Variants in AGK observed in about 807,000 individuals in gnomAD.
AGK encodes the protein acylglycerol kinase, mitochondrial.
Under a neutral mutation model 66.4 loss-of-function variants are expected in AGK, and 52 were observed. The observed-to-expected ratio is 0.78, with a 90% confidence interval of 0.63 to 0.99. The LOEUF is 0.99. Ranked by LOEUF, AGK falls within the 50% of genes least tolerant of loss-of-function variation. AGK has a pLI of 0.00. For synonymous variants in AGK, 182 were observed against 181.1 expected (o/e 1.00, Z -0.04); for missense variants, 451 against 506.6 (o/e 0.89, Z 1.05).
intron 2 of AGK, among the ~76,000 whole-genome samples, chr7:141,559,069 G>A (rs1310699590): frequency 1.3e-5 from 2 of 152,046 alleles, no homozygotes; most frequent in Admixed American, 6.5e-5. Context: ...TCTGTAGCTG[G>A]CCTTTTTACA....
rs1483926224 is a variant in AGK, at chr7:141,555,642, T to C, written c.101+75T>C. ...CCCAAAGGGCCTCAGGTTAAAATCT[T>C]GCTCAGCTGTGCTTATCCCTATAAA... On this transcript the variant is annotated intron_variant, in intron 2 of 15. Coordinates refer to ENST00000649286, the MANE Select transcript of AGK (RefSeq NM_018238.4). The surrounding 1 kb of genome is among the most constrained non-coding windows in gnomAD (Gnocchi z 4.2). 1.3e-5 allele frequency: 14 copies of C among 1,047,780 alleles called. No homozygotes were observed. Among genetic ancestry groups the C allele is most frequent in the Non-Finnish European group, 2.0e-5 (14 of 690,472 alleles). The allele number at this position is 1,047,780 out of a possible 1,614,324, so 64.9% of individuals were successfully genotyped here. A position where few individuals can be genotyped will look rare whatever the true frequency, so the allele number is the denominator to read the frequency against.
chr7:141,650,700 C>T, intron 14 of AGK: 2 of 984,734 alleles, frequency 2.0e-6, no homozygotes, highest in Non-Finnish European at 2.4e-6. Flanking sequence ...TCCATAGTCA[C>T]TCAGTCAAGG....
rs538366990 is a variant in AGK at position 141,567,866 on chromosome 7, G to A, written c.101+12299G>A. 4.6e-5 allele frequency among the ~76,000 whole-genome samples: 7 copies of A among 152,292 alleles called. No homozygotes were observed. In the South Asian group the frequency reaches 1.2e-3, roughly 27 times the overall value. On this transcript the variant is annotated intron_variant, in intron 2 of 15. Transcript: ENST00000649286. ...GTCTCTGGAGTTGGACTGAACTGAC[G>A]CTTCCTAGCAGTGTGACCCTGTGCT...
chr7:141,621,609 G>GGA, intron 8 of AGK, 123 bp from the exon 9 acceptor site: 1 of 680,782 alleles, frequency 1.5e-6, no homozygotes, highest in Admixed American at 2.5e-5. Context: ...AGAGAGAGAG[G>GGA]GAGAGAGAGA....
chr7:141,555,416 A>G lies in AGK; in HGVS notation c.-14-37A>G. 1 of 1,414,496 alleles carries G rather than the reference A, an allele frequency of 7.1e-7. No individual in the cohort carries two copies. Among genetic ancestry groups the G allele is most frequent in the Non-Finnish European group, 9.9e-7 (1 of 1,006,798 alleles). 87.6% of individuals were successfully genotyped at this position (1,414,496 alleles called of 1,614,324 possible). ...GACATTACATGAAGACCATGGATAA[A>G]TTATATTTTTTTCTCTTTCCGCCTC... On this transcript the variant is annotated intron_variant, in intron 1 of 15. Transcript: ENST00000649286. This position sits in a 1 kb window ranked among gnomAD's most constrained non-coding sequence, Gnocchi z 4.2.
chr7:141,652,595 G>C, intron 15 of AGK, 192 bp from the exon 16 acceptor site: 1 of 456,270 alleles, frequency 2.2e-6, no homozygotes, highest in Non-Finnish European at 3.9e-6. Flanking sequence ...GTAGAATTAG[G>C]ATGTTTCCAG....
chr7:141,579,982 T>C (rs1795846883), intron 2 of AGK, among the ~76,000 whole-genome samples: 2 of 151,962 alleles, frequency 1.3e-5, no homozygotes, highest in Admixed American at 1.3e-4. Context: ...GCATAAGTGT[T>C]GCCCTAAGCA....
intron 2 of AGK, among the ~76,000 whole-genome samples, chr7:141,589,801 C>G (rs1321950318): frequency 6.6e-6 from 1 of 152,156 alleles, no homozygotes; most frequent in African/African-American, 2.4e-5. Context: ...CTCAGGTGAT[C>G]CGCCCATCTC....
chr7:141,607,629 T>C (rs1048158131), intron 5 of AGK, among the ~76,000 whole-genome samples: 2 of 152,164 alleles, frequency 1.3e-5, no homozygotes, highest in Non-Finnish European at 2.9e-5. Flanking sequence ...AGCAGAAGTT[T>C]TAAATTTTAC....
At position 141,651,606 on chromosome 7, in the gene AGK, G is replaced by A. The variant is rs947438690; in HGVS notation, c.1128G>A (p.Pro376=). Reference sequence around the variant, plus strand: ...CCAGCCAGTGCACTTTGCTTATCCCGGAGGTGAGTGGGGAAGGGGTCGGTA... The same window carrying A: ...CCAGCCAGTGCACTTTGCTTATCCCAGAGGTGAGTGGGGAAGGGGTCGGTA... The part of the protein sequence containing the change: ...LQASQCTLLI[P]EGAGGSFSID... The change falls in exon 15 of 16, where the codon CCG becomes CCA. Residue 376 remains proline (P), a synonymous_variant. Transcript: ENST00000649286. The A allele has an allele frequency of 1.2e-6, 2 of 1,614,126 alleles. No individual in the cohort carries two copies. The highest frequency in any genetic ancestry group is 1.7e-6 in the Non-Finnish European group (2 of 1,179,954).
chr7:141,630,711 A>G (rs1486922233), intron 9 of AGK, among the ~76,000 whole-genome samples: 5 of 152,118 alleles, frequency 3.3e-5, no homozygotes, highest in Admixed American at 3.3e-4. Flanking sequence ...TTACTTAGCA[A>G]TTTTGTTAAG....
At chr7:141,569,026 G>T (rs1345705858) in intron 2 of AGK, among the ~76,000 whole-genome samples, 1 of 152,196 alleles carries the variant, frequency 6.6e-6, no homozygotes, top group African/African-American at 2.4e-5. Context: ...TGGTCCTTGT[G>T]TTTAAGGGTT....
chr7:141,650,808 A>G (rs191956938), intron 14 of AGK: 2 of 395,708 alleles, frequency 5.1e-6, no homozygotes, highest in African/African-American at 4.4e-5. Flanking sequence ...ACCAAAATCC[A>G]CAGGTTGTCA....
chr7:141,621,199 T>C (rs1203930272), intron 8 of AGK, among the ~76,000 whole-genome samples: 1 of 152,188 alleles, frequency 6.6e-6, no homozygotes, highest in Non-Finnish European at 1.5e-5. Context: ...TCTCAGAATG[T>C]AGATAAGAAC....
At chr7:141,618,835 T>G (rs937052306) in intron 8 of AGK, among the ~76,000 whole-genome samples, 17 of 152,162 alleles carry the variant, frequency 1.1e-4, no homozygotes, top group African/African-American at 3.9e-4. Flanking sequence ...GACTTCTACT[T>G]GTAGTTGTAC....
chr7:141,558,178 G>A (rs1795255778), intron 2 of AGK, among the ~76,000 whole-genome samples: 1 of 149,972 alleles, frequency 6.7e-6, no homozygotes, highest in Non-Finnish European at 1.5e-5. Context: ...TTTTTTTTGA[G>A]ACGGAGTCCT....
chr7:141,585,574 C>T (rs1055992888), intron 2 of AGK, among the ~76,000 whole-genome samples: 4 of 152,158 alleles, frequency 2.6e-5, no homozygotes, highest in Non-Finnish European at 5.9e-5. Context: ...AATTGCTGTA[C>T]AATTTGCCTC....
Position 141,607,443 on chromosome 7 carries a change from ATC to A in AGK, c.298-3750_298-3749del, listed in dbSNP as rs1183640791. Among the ~76,000 whole-genome samples the A allele has an allele frequency of 2.0e-5, 3 of 152,172 alleles. No individual in the cohort carries two copies. The East Asian group carries it at 5.8e-4, about 29-fold the overall frequency. ...CCATATGCTTATTATCCATCTGTAG[ATC>A]TTTGGTGAGGTGTCTGTTCAGATCT... is the stretch of plus-strand genomic sequence containing the variant. On this transcript the variant is annotated intron_variant, in intron 5 of 15. Coordinates refer to ENST00000649286, the MANE Select transcript of AGK (RefSeq NM_018238.4).
At chr7:141,619,060 GTAAA>G (rs1391895039) in intron 8 of AGK, among the ~76,000 whole-genome samples, 5 of 152,080 alleles carry the variant, frequency 3.3e-5, no homozygotes, top group African/African-American at 9.7e-5. Flanking sequence ...GAAGACCTAA[GTAAA>G]TAGAGATACT....
Sources: gnomAD v4.1 joint callset for allele counts (sites outside exome capture counted in the v4.1 genomes callset) on GRCh38, gnomAD v4.1.1 for gene constraint, Gnocchi (gnomAD v3.1) non-coding constraint, MANE v1.5 for transcripts, NCBI Gene and HGNC (gene_info 2026-07-23, HGNC 2026-07-21) for gene names.